The following HCRTR2 variants were observed in gnomAD, a reference collection of about 807,000 sequenced individuals.
HCRTR2 encodes orexin receptor type 2.
Under a neutral mutation model 49.0 loss-of-function variants are expected in HCRTR2, and 22 were observed. That is an observed-to-expected ratio of 0.45 (90% CI 0.32 to 0.64). HCRTR2 has a LOEUF of 0.64. Ranked by LOEUF, HCRTR2 falls within the 30% of genes least tolerant of loss-of-function variation. The pLI, the probability that HCRTR2 is intolerant of heterozygous loss-of-function variation, is 0.04. For synonymous variants in HCRTR2, 236 were observed against 205.3 expected, an observed-to-expected ratio of 1.15 and a Z score of -1.28; for missense variants, 491 against 559.4, an observed-to-expected ratio of 0.88 and a Z score of 1.23.
intron 1 of HCRTR2, among the ~76,000 whole-genome samples, chr6:55,153,739 C>T (rs1235671785): frequency 6.6e-6 from 1 of 151,636 alleles, no homozygotes; most frequent in East Asian, 1.9e-4. Flanking sequence ...CTAGGGAAAA[C>T]AGACAAACAG....
At chr6:55,111,123 T>A (rs896661343) in intron 1 of HCRTR2, among the ~76,000 whole-genome samples, 1 of 151,850 alleles carries the variant, frequency 6.6e-6, no homozygotes, top group Non-Finnish European at 1.5e-5. Context: ...TCCTGAATGA[T>A]CTTTGGGTCA....
intron 1 of HCRTR2, among the ~76,000 whole-genome samples, chr6:55,210,806 G>A (rs546254316): frequency 6.6e-6 from 1 of 152,194 alleles, no homozygotes; most frequent in Admixed American, 6.5e-5. Context: ...AACAATAAAC[G>A]ATTTTGTTGG....
At chr6:55,167,558 A>G (rs1442300359) in intron 1 of HCRTR2, among the ~76,000 whole-genome samples, 9 of 152,236 alleles carry the variant, frequency 5.9e-5, no homozygotes, top group Non-Finnish European at 2.9e-5. Context: ...CAGAAGAAAT[A>G]ACATGTATTG....
chr6:55,187,285 C>T lies in HCRTR2; in HGVS notation c.223+12475C>T, dbSNP rs554454526. 5.4e-3 allele frequency among the ~76,000 whole-genome samples: 822 copies of T among 151,634 alleles called. 5 individuals are homozygous for T. The highest frequency in any genetic ancestry group is 9.0e-3 in the Non-Finnish European group (612 of 67,874). Reference sequence around the variant, plus strand: ...AAAATTAGCTGGGCTTGGTGGCATGCGCCTGTAGTCCCAGCTACTTGGGAA... The same window carrying T: ...AAAATTAGCTGGGCTTGGTGGCATGTGCCTGTAGTCCCAGCTACTTGGGAA... On this transcript the variant is annotated intron_variant, in intron 1 of 6. Coordinates refer to ENST00000370862, the MANE Select transcript of HCRTR2 (RefSeq NM_001384272.1).
Position 55,232,676 on chromosome 6 carries a change from G to A in HCRTR2, c.224-15963G>A, listed in dbSNP as rs188183194. On this transcript the variant is annotated intron_variant, in intron 1 of 6. Transcript: ENST00000370862. Reference sequence around the variant, plus strand: ...GAACTTTATTAAGTTTTATTTGGTTGAAAAATCTATAATTTTTAGTGAACA... The same window carrying A: ...GAACTTTATTAAGTTTTATTTGGTTAAAAAATCTATAATTTTTAGTGAACA... 3.4e-3 allele frequency among the ~76,000 whole-genome samples: 521 copies of A among 152,252 alleles called. 1 individual carries two copies. The highest frequency in any genetic ancestry group is 0.012 in the African/African-American group (505 of 41,552).
intron 1 of HCRTR2, among the ~76,000 whole-genome samples, chr6:55,125,089 A>AT: frequency 6.6e-6 from 1 of 152,120 alleles, no homozygotes; most frequent in Middle Eastern, 3.2e-3. Context: ...GTGTCTTTTA[A>AT]TTGGAACATT....
chr6:55,212,466 T>A (rs1449484410), intron 1 of HCRTR2, among the ~76,000 whole-genome samples: 1 of 152,176 alleles, frequency 6.6e-6, no homozygotes, highest in African/African-American at 2.4e-5. Context: ...CAGCAAGTTT[T>A]AGCCAATAAC....
chr6:55,211,236 T>C (rs1196085776), intron 1 of HCRTR2, among the ~76,000 whole-genome samples: 2 of 152,206 alleles, frequency 1.3e-5, no homozygotes, highest in African/African-American at 4.8e-5. Context: ...AAGCAAAGAC[T>C]GACTCTATTA....
chr6:55,269,082 C>T (rs1237078027), intron 4 of HCRTR2, among the ~76,000 whole-genome samples: 3 of 128,752 alleles, frequency 2.3e-5, no homozygotes, highest in Non-Finnish European at 4.7e-5. Context: ...AGCAAGACTC[C>T]GTCTCAAAAA....
upstream of HCRTR2, chr6:55,174,371 CCCGGTGCAA>C (rs1188715529): frequency 1.2e-5 from 7 of 581,502 alleles, no homozygotes; most frequent in Admixed American, 2.7e-5. Flanking sequence ...TGCCTATCTT[CCCGGTGCAA>C]CATCGCCTGT....
chr6:55,257,463 C>G (rs1290290415), intron 3 of HCRTR2, among the ~76,000 whole-genome samples: 3 of 151,908 alleles, frequency 2.0e-5, no homozygotes, highest in Non-Finnish European at 4.4e-5. Context: ...AGTATTTTCT[C>G]TAATATTCCG....
At chr6:55,133,695 ATCT>A (rs762503396) in intron 1 of HCRTR2, among the ~76,000 whole-genome samples, 9 of 149,302 alleles carry the variant, frequency 6.0e-5, no homozygotes, top group Non-Finnish European at 9.0e-5. Flanking sequence ...CTATCTATCT[ATCT>A]ATCTATATCT....
intron 1 of HCRTR2, among the ~76,000 whole-genome samples, chr6:55,126,229 A>G (rs1434884546): frequency 5.9e-5 from 9 of 152,160 alleles, no homozygotes; most frequent in African/African-American, 1.7e-4. Context: ...CCTTTTTTGC[A>G]CTGGTTTCTC....
intron 1 of HCRTR2, among the ~76,000 whole-genome samples, chr6:55,111,948 A>T (rs768009705): frequency 6.6e-6 from 1 of 152,068 alleles, no homozygotes; most frequent in Non-Finnish European, 1.5e-5. Flanking sequence ...ATCCATTATG[A>T]TCAAGCAGGT....
chr6:55,109,895 G>T (rs1274718870), intron 1 of HCRTR2, among the ~76,000 whole-genome samples: 1 of 152,074 alleles, frequency 6.6e-6, no homozygotes, highest in Non-Finnish European at 1.5e-5. Context: ...ATTACAAAAG[G>T]ATCATTGCCT....
chr6:55,196,507 C>G (rs1288519937), intron 1 of HCRTR2, among the ~76,000 whole-genome samples: 1 of 152,158 alleles, frequency 6.6e-6, no homozygotes, highest in Non-Finnish European at 1.5e-5. Flanking sequence ...CACGAGCATA[C>G]AAGACCAGCT....
intron 1 of HCRTR2, among the ~76,000 whole-genome samples, chr6:55,231,919 C>G (rs1282173583): frequency 3.3e-5 from 5 of 152,018 alleles, no homozygotes; most frequent in Non-Finnish European, 5.9e-5. Flanking sequence ...CCAAAGAAAA[C>G]TCATAATCTC....
intron 5 of HCRTR2, among the ~76,000 whole-genome samples, chr6:55,278,847 A>G (rs532304772): frequency 1.3e-5 from 2 of 151,776 alleles, no homozygotes; most frequent in South Asian, 4.2e-4. Context: ...ATGTTATGTT[A>G]CTGGATGGGT....
chr6:55,115,487 T>A (rs141297708), intron 1 of HCRTR2, among the ~76,000 whole-genome samples: 2 of 54,138 alleles, frequency 3.7e-5, no homozygotes, highest in African/African-American at 3.0e-4. Context: ...AGAGTGTGTG[T>A]GTGTGTGTGT....
Sources: allele counts gnomAD v4.1 joint callset (sites outside exome capture counted in the v4.1 genomes callset), GRCh38; gene constraint gnomAD v4.1.1; transcripts MANE v1.5; gene names NCBI Gene and HGNC (gene_info 2026-07-23, HGNC 2026-07-21).